The following SVOPL variants were observed in gnomAD, a reference collection of about 807,000 sequenced individuals.
The protein encoded by SVOPL is putative transporter SVOPL.
In SVOPL, 60 loss-of-function variants were observed where a neutral mutation model predicts 61.0. The observed-to-expected ratio is 0.98, with a 90% CI of 0.80 to 1.22. SVOPL has a LOEUF of 1.22. Among genes scored for constraint, SVOPL ranks in the 50% most tolerant of loss-of-function variants. The pLI is 0.00. For synonymous variants in SVOPL, 279 were observed against 250.0 expected (o/e 1.12, Z -1.09); for missense variants, 662 against 643.9 (o/e 1.03, Z -0.30).
intron 4 of SVOPL, among the ~76,000 whole-genome samples, chr7:138,670,327 A>ATTACCAGCCAC (rs1423722876): frequency 1.3e-5 from 2 of 152,174 alleles, no homozygotes; most frequent in African/African-American, 4.8e-5. Context: ...GGCTTAAAGG[A>ATTACCAGCCAC]TTACCAGCCA....
At chr7:138,662,878 A>C in intron 5 of SVOPL, 196 bp downstream of exon 5, 1 of 1,423,188 alleles carries the variant, frequency 7.0e-7, no homozygotes, top group Non-Finnish European at 9.2e-7. Flanking sequence ...CTGCAGAGGA[A>C]CAGCTGCAGG....
chr7:138,642,287 C>CAAA lies in SVOPL; in HGVS notation c.789+2427_789+2429dup, dbSNP rs79469915. On this transcript the variant is annotated intron_variant, in intron 9 of 15. Transcript: ENST00000674285. ...CAAAGAAAATAAAACGGAAATTAGC[C>CAAA]AAAAAAAAAAAAAAAAAAATCAATA... Among the ~76,000 whole-genome samples, 367 of 111,608 alleles carry CAAA rather than the reference C, an allele frequency of 3.3e-3. 1 individual carries two copies. Among genetic ancestry groups the CAAA allele is most frequent in the African/African-American group, 0.012 (336 of 27,804 alleles). 73.2% of individuals were successfully genotyped at this position (111,608 alleles called of 152,430 possible). A position where few individuals can be genotyped will look rare whatever the true frequency, so the allele number is the denominator to read the frequency against.
chr7:138,623,350 G>C (rs551332259), intron 13 of SVOPL, among the ~76,000 whole-genome samples: 1 of 151,868 alleles, frequency 6.6e-6, no homozygotes, highest in East Asian at 1.9e-4. Context: ...CCTGTAATCC[G>C]AGCACTTTGG....
chr7:138,611,850 CCG>C (rs1799025045), intron 14 of SVOPL, among the ~76,000 whole-genome samples: 1 of 71,904 alleles, frequency 1.4e-5, no homozygotes, highest in African/African-American at 4.6e-5. Flanking sequence ...TCCCAAAGTG[CCG>C]AGATTGCAGC....
At chr7:138,678,587 A>C in intron 2 of SVOPL, 62 bp from the exon 3 acceptor site, 2 of 1,488,306 alleles carry the variant, frequency 1.3e-6, no homozygotes, top group South Asian at 2.5e-5. Flanking sequence ...CGTGTGGACT[A>C]TCAGCTTCAG....
chr7:138,699,665 T>G (rs180926405), intron 1 of SVOPL, among the ~76,000 whole-genome samples: 1 of 152,284 alleles, frequency 6.6e-6, no homozygotes, highest in East Asian at 1.9e-4. Context: ...AAAATCAATA[T>G]ATTTTAGAGG....
At chr7:138,664,200 C>A in intron 4 of SVOPL, 1 of 981,336 alleles carries the variant, frequency 1.0e-6, no homozygotes, top group Non-Finnish European at 1.2e-6. Context: ...CCCCCTCCCC[C>A]ACCTTCTACC....
intron 14 of SVOPL, among the ~76,000 whole-genome samples, chr7:138,618,049 A>C (rs762487644): frequency 6.6e-6 from 1 of 152,178 alleles, no homozygotes; most frequent in Non-Finnish European, 1.5e-5. Context: ...CCCTAAACCG[A>C]GGCAAATATC....
chr7:138,675,989 C>G (rs1418321532), intron 3 of SVOPL, among the ~76,000 whole-genome samples: 1 of 152,174 alleles, frequency 6.6e-6, no homozygotes, highest in African/African-American at 2.4e-5. Context: ...CAGACACATG[C>G]CACCACACAT....
At chr7:138,661,582 C>T (rs1584851247) in intron 5 of SVOPL, 8 of 985,184 alleles carry the variant, frequency 8.1e-6, no homozygotes, top group East Asian at 1.1e-4. Context: ...AAAAGGTTAC[C>T]GCAAGTTGCA....
rs150440671 is a variant in SVOPL, at chr7:138,649,074, C to A, written c.598G>T (p.Gly200Trp). The A allele has an allele frequency of 3.1e-6, 5 of 1,613,516 alleles. No individual in the cohort carries two copies. Among genetic ancestry groups the A allele is most frequent in the Non-Finnish European group, 4.2e-6 (5 of 1,179,932 alleles). The change falls in exon 8 of 16, where the codon GGG becomes TGG. Residue 200 changes from glycine to tryptophan, a missense_variant. Coordinates refer to ENST00000674285, the MANE Select transcript of SVOPL (RefSeq NM_001139456.2). The part of the protein sequence containing the change: ...GLASVIIPTI[G>W]WRWLIRVASI... ...GCGACGCGAATGAGCCAGCGCCACCCGATGGTGGGGATGATCACAGAGGCC... is the reference window on the plus strand; with the variant it reads ...GCGACGCGAATGAGCCAGCGCCACCAGATGGTGGGGATGATCACAGAGGCC...
chr7:138,654,393 A>G (rs1801598762), intron 7 of SVOPL, among the ~76,000 whole-genome samples: 1 of 151,676 alleles, frequency 6.6e-6, no homozygotes, highest in Non-Finnish European at 1.5e-5. Flanking sequence ...ATGTATCAAT[A>G]AAATAAATTG....
Position 138,655,425 on chromosome 7 carries a change from A to C in SVOPL, c.534+1023T>G, listed in dbSNP as rs191945882. 6.5e-3 allele frequency among the ~76,000 whole-genome samples: 987 copies of C among 152,198 alleles called. 21 individuals carry two copies. Among genetic ancestry groups the C allele is most frequent in the African/African-American group, 0.022 (920 of 41,532 alleles). On this transcript the variant is annotated intron_variant, in intron 7 of 15. Coordinates refer to ENST00000674285, the MANE Select transcript of SVOPL (RefSeq NM_001139456.2). ...GAGGTTGAGGCAGGAGAATCACTTG[A>C]ACCCAGGAGGCAGAGGTTGTAGTGA...
chr7:138,619,334 G>C (rs1563093327), intron 14 of SVOPL, among the ~76,000 whole-genome samples: 1 of 151,938 alleles, frequency 6.6e-6, no homozygotes, highest in African/African-American at 2.4e-5. Context: ...CTTGGACCTG[G>C]GGGGATTGAG....
intron 5 of SVOPL, chr7:138,661,473 G>T (rs755683504): frequency 9.2e-6 from 9 of 980,684 alleles, no homozygotes; most frequent in Non-Finnish European, 1.1e-5. Context: ...AGGAGCATGC[G>T]ACTCCGGTCA....
intron 1 of SVOPL, among the ~76,000 whole-genome samples, chr7:138,691,504 CACTT>C (rs1802941137): frequency 1.3e-5 from 2 of 152,266 alleles, no homozygotes; most frequent in Admixed American, 1.3e-4. Flanking sequence ...GGAAATCTTC[CACTT>C]ACTACTGAGC....
intron 7 of SVOPL, 125 bp from the exon 8 acceptor site, chr7:138,649,262 C>T (rs1449101874): frequency 8.0e-7 from 1 of 1,251,080 alleles, no homozygotes; most frequent in African/African-American, 1.5e-5. Flanking sequence ...CACATATCTT[C>T]TTTTGGGAGC....
intron 14 of SVOPL, among the ~76,000 whole-genome samples, chr7:138,605,319 G>A (rs1798704152): frequency 6.6e-6 from 1 of 151,892 alleles, no homozygotes; most frequent in African/African-American, 2.4e-5. Context: ...AAATCTCCAA[G>A]GAACAGAGTC....
At chr7:138,660,437 A>G (rs1343304767) in intron 5 of SVOPL, 1 of 988,272 alleles carries the variant, frequency 1.0e-6, no homozygotes, top group Non-Finnish European at 1.2e-6. Flanking sequence ...TGAAATCACC[A>G]TTGATTGTCC....
Sources: allele counts gnomAD v4.1 joint callset (sites outside exome capture counted in the v4.1 genomes callset), GRCh38; gene constraint gnomAD v4.1.1; transcripts MANE v1.5; gene names NCBI Gene and HGNC (gene_info 2026-07-23, HGNC 2026-07-21).